The following TSBP1 variants were observed in gnomAD, a reference collection of about 807,000 sequenced individuals.
TSBP1 encodes the protein testis expressed basic protein 1, also known as testis-expressed basic protein 1.
TSBP1 carries 56 observed loss-of-function variants against 68.8 expected under a neutral mutation model. The observed-to-expected ratio is 0.81, with a 90% CI of 0.66 to 1.02. The LOEUF is 1.02. Among genes scored for constraint, TSBP1 ranks in the 50% least tolerant of loss-of-function variants. The pLI is 0.00. For synonymous variants in TSBP1, 171 were observed against 208.7 expected, an observed-to-expected ratio of 0.82 and a Z score of 1.56; for missense variants, 502 against 641.2, an observed-to-expected ratio of 0.78 and a Z score of 2.34.
chr6:32,360,699 T>C (rs1772911588), intron 6 of TSBP1, among the ~76,000 whole-genome samples: 1 of 152,182 alleles, frequency 6.6e-6, no homozygotes, highest in Non-Finnish European at 1.5e-5. Context: ...CTCCATATCC[T>C]TGCCAACACT....
At chr6:32,308,316 T>TA (rs1008580506) in intron 19 of TSBP1, among the ~76,000 whole-genome samples, 3 of 152,044 alleles carry the variant, frequency 2.0e-5, no homozygotes, top group African/African-American at 2.4e-5. Context: ...AACCCTCATT[T>TA]AAAAAAATTT....
At chr6:32,360,164 C>G (rs1232852557) in intron 6 of TSBP1, among the ~76,000 whole-genome samples, 1 of 152,004 alleles carries the variant, frequency 6.6e-6, no homozygotes, top group South Asian at 2.1e-4. Flanking sequence ...AAGTTTGTAC[C>G]CTTTGGCCAA....
chr6:32,293,587 T>C (rs1764385927), exon 23 of TSBP1: 1 of 1,612,854 alleles, frequency 6.2e-7, no homozygotes, highest in Non-Finnish European at 8.5e-7. Context: ...CTTCCTGTCC[T>C]TTCAGTACAA....
rs116680752 is a variant in TSBP1 at position 32,343,425 on chromosome 6, C to G, written c.350-3787G>C. Among the ~76,000 whole-genome samples, 2 of 152,164 alleles carry G rather than the reference C, an allele frequency of 1.3e-5. No homozygotes were observed. Among genetic ancestry groups the G allele is most frequent in the African/African-American group, 4.8e-5 (2 of 41,432 alleles). On this transcript the variant is annotated intron_variant, in intron 9 of 22. Transcript: ENST00000612031. The surrounding 1 kb of genome is among the most constrained non-coding windows in gnomAD (Gnocchi z 4.3). ...ACTTGCAAGTGATCCCATGTCTTTT[C>G]CCCCTTAGACACTATGCAGGAGTGA...
Position 32,323,586 on chromosome 6 carries a change from C to G in TSBP1, c.538+5G>C. The G allele has an allele frequency of 6.2e-7, 1 of 1,612,078 alleles. No individual in the cohort carries two copies. The highest frequency in any genetic ancestry group is 1.1e-5 in the South Asian group (1 of 91,012). ...GAAAAGAGTAGAAAAAGAAATTGAA[C>G]TTACCGCGGGGTGCTGAAGGTGGAC... On this transcript the variant is annotated splice_donor_5th_base_variant and intron_variant, in intron 17 of 22. Transcript: ENST00000612031.
chr6:32,316,054 G>A lies in TSBP1; in HGVS notation c.560-262C>T, dbSNP rs570728276. 6.6e-6 allele frequency among the ~76,000 whole-genome samples: 1 copy of A among 152,276 alleles called. No individual in the cohort carries two copies. Among genetic ancestry groups the A allele is most frequent in the South Asian group, 2.1e-4 (1 of 4,830 alleles). On this transcript the variant is annotated intron_variant, in intron 18 of 22. Transcript: ENST00000612031. This position sits in a 1 kb window ranked among gnomAD's most constrained non-coding sequence, Gnocchi z 4.5. ...CATTTACTGGACCCAACAGCTTTGG[G>A]TATAGTCTCGGGTAGAGACTGCCAT...
In TSBP1 at chr6:32,325,324, CA is replaced by C; in HGVS notation, c.515-1711del. Reference sequence around the variant, plus strand: ...TGAGAGCCTGAGGAGCCATTTTGAGCAGTGAGGGACACTCCCGGACAGTGTG... The same window carrying C: ...TGAGAGCCTGAGGAGCCATTTTGAGCGTGAGGGACACTCCCGGACAGTGTG... On this transcript the variant is annotated intron_variant, in intron 16 of 22. Coordinates refer to ENST00000612031, the Ensembl canonical transcript of TSBP1. The surrounding 1 kb of genome is among the most constrained non-coding windows in gnomAD (Gnocchi z 4.4). 8.3e-7 allele frequency: 1 copy of C among 1,198,204 alleles called. No homozygotes were observed. 74.2% of individuals were successfully genotyped at this position (1,198,204 alleles called of 1,614,324 possible). A position where few individuals can be genotyped will look rare whatever the true frequency, so the allele number is the denominator to read the frequency against.
chr6:32,349,895 T>C lies in TSBP1; in HGVS notation c.260-66A>G, dbSNP rs116265096. On this transcript the variant is annotated intron_variant, in intron 8 of 22. Transcript: ENST00000612031. ...GTCACAACTTATTTCCTGGTATCAA[T>C]TGCAATGCAATGTGGTGAGCAGCTG... The C allele has an allele frequency of 6.6e-3, 6,338 of 955,848 alleles. 42 individuals are homozygous for C. Among genetic ancestry groups the C allele is most frequent in the Non-Finnish European group, 8.9e-3 (5,149 of 580,622 alleles). 59.2% of individuals were successfully genotyped at this position (955,848 alleles called of 1,614,324 possible). A position where few individuals can be genotyped will look rare whatever the true frequency, so the allele number is the denominator to read the frequency against.
At chr6:32,347,098 A>G (rs1253484640) in intron 9 of TSBP1, among the ~76,000 whole-genome samples, 1 of 152,176 alleles carries the variant, frequency 6.6e-6, no homozygotes, top group Admixed American at 6.5e-5. Flanking sequence ...TACCATAAAT[A>G]TATACAATTT....
At position 32,343,924 on chromosome 6, in the gene TSBP1, A is replaced by G. The variant is rs1770661069; in HGVS notation, c.350-4286T>C. On this transcript the variant is annotated intron_variant, in intron 9 of 22. Coordinates refer to ENST00000612031, the Ensembl canonical transcript of TSBP1. The surrounding 1 kb of genome is among the most constrained non-coding windows in gnomAD (Gnocchi z 4.3). ...GGCAAGACTTGTAGAAGGTTTAATG[A>G]TATTAACTTTGATAGTAATTTGTAC... Among the ~76,000 whole-genome samples the G allele has an allele frequency of 2.0e-5, 3 of 150,768 alleles. No homozygotes were observed. The highest frequency in any genetic ancestry group is 7.5e-5 in the African/African-American group (3 of 40,144).
chr6:32,328,646 A>G (rs1768560001), intron 16 of TSBP1, among the ~76,000 whole-genome samples: 1 of 151,836 alleles, frequency 6.6e-6, no homozygotes, highest in African/African-American at 2.4e-5. Flanking sequence ...TGAACTTCTG[A>G]CCTCAAGTGA....
In TSBP1 at chr6:32,366,160, T is replaced by C. The variant is rs1337101502; in HGVS notation, c.217+7A>G. On this transcript the variant is annotated splice_region_variant and intron_variant, in intron 6 of 22. Coordinates refer to ENST00000612031, the Ensembl canonical transcript of TSBP1. ...TTAATTTTACAAAAATCTCTACATA[T>C]ACTTACCTCGGTTATCATATGAAGT... The C allele has an allele frequency of 6.2e-7, 1 of 1,603,218 alleles. No homozygotes were observed. The highest frequency in any genetic ancestry group is 8.5e-7 in the Non-Finnish European group (1 of 1,176,070).
chr6:32,318,020 T>A (rs572845513), intron 18 of TSBP1, among the ~76,000 whole-genome samples: 1 of 152,336 alleles, frequency 6.6e-6, no homozygotes, highest in East Asian at 1.9e-4. Flanking sequence ...ATTGCAGCAC[T>A]ATTCACAGTA....
In TSBP1 at chr6:32,335,468, A is replaced by AG. The variant is rs1769537281; in HGVS notation, c.452-12_452-11insC. 2 of 1,471,254 alleles carry AG rather than the reference A, an allele frequency of 1.4e-6. No individual in the cohort carries two copies. The highest frequency in any genetic ancestry group is 1.8e-6 in the Non-Finnish European group (2 of 1,104,206). The allele number at this position is 1,471,254 out of a possible 1,614,324, so 91.1% of individuals were successfully genotyped here. On this transcript the variant is annotated splice_polypyrimidine_tract_variant and intron_variant, in intron 13 of 22. Transcript: ENST00000612031. This position sits in a 1 kb window ranked among gnomAD's most constrained non-coding sequence, Gnocchi z 5.5. ...TTTTTTGAGAGAGCTCTAAAAAAAAAAGAGAAAAGAAATCAGTAGCTATAT... is the reference window on the plus strand; with the variant it reads ...TTTTTTGAGAGAGCTCTAAAAAAAAAGAGAGAAAAGAAATCAGTAGCTATAT...
At chr6:32,329,276 A>G (rs1251658695) in intron 16 of TSBP1, among the ~76,000 whole-genome samples, 1 of 152,208 alleles carries the variant, frequency 6.6e-6, no homozygotes, top group East Asian at 1.9e-4. Flanking sequence ...GTATCCATGT[A>G]GATTCTCTGG....
At chr6:32,310,500 C>A (rs951662645) in intron 19 of TSBP1, among the ~76,000 whole-genome samples, 1 of 151,520 alleles carries the variant, frequency 6.6e-6, no homozygotes, top group Non-Finnish European at 1.5e-5. Flanking sequence ...TTATTTTGAG[C>A]TGAGATTTTC....
intron 18 of TSBP1, among the ~76,000 whole-genome samples, chr6:32,318,258 T>C (rs1767187018): frequency 6.6e-6 from 1 of 151,964 alleles, no homozygotes. Context: ...TGAGAACACA[T>C]GGACACAGAA....
At chr6:32,349,679 T>C in intron 9 of TSBP1, 61 bp downstream of exon 9, 1 of 997,190 alleles carries the variant, frequency 1.0e-6, no homozygotes, top group Non-Finnish European at 1.6e-6. Flanking sequence ...TTTAGGAAGA[T>C]ATCCTCTTGA....
intron 4 of TSBP1, among the ~76,000 whole-genome samples, chr6:32,367,096 C>A (rs769360348): frequency 2.1e-5 from 3 of 143,722 alleles, no homozygotes; most frequent in Non-Finnish European, 4.6e-5. Flanking sequence ...TCCACATCCA[C>A]AATCTCATAA....
Sources: gnomAD v4.1 joint callset for allele counts (sites outside exome capture counted in the v4.1 genomes callset) on GRCh38, gnomAD v4.1.1 for gene constraint, Gnocchi (gnomAD v3.1) non-coding constraint, MANE v1.5 for transcripts, NCBI Gene and HGNC (gene_info 2026-07-23, HGNC 2026-07-21) for gene names.